Variants in PARD3 observed in about 807,000 individuals in gnomAD.
PARD3 encodes par-3 family cell polarity regulator, also known as partitioning defective 3 homolog.
A neutral mutation model predicts 155.4 loss-of-function variants in PARD3; 75 were observed. That is an observed-to-expected ratio of 0.48 (90% CI 0.40 to 0.58). The LOEUF (loss-of-function observed/expected upper bound fraction) is 0.58. Among genes scored for constraint, PARD3 ranks in the 20% least tolerant of loss-of-function variants. The pLI is 0.00. For missense variants in PARD3, 1,642 were observed against 1,721.7 expected, an observed-to-expected ratio of 0.95 and a Z score of 0.82; for synonymous variants, 576 against 610.5, an observed-to-expected ratio of 0.94 and a Z score of 0.83.
intron 23 of PARD3, among the ~76,000 whole-genome samples, chr10:34,124,239 G>A (rs1414662629): frequency 2.6e-5 from 4 of 152,190 alleles, no homozygotes; most frequent in Non-Finnish European, 5.9e-5. Context: ...CACTTTGGAT[G>A]AAAACCTGTG....
At chr10:34,557,864 G>T (rs1162609950) in intron 2 of PARD3, among the ~76,000 whole-genome samples, 2 of 150,962 alleles carry the variant, frequency 1.3e-5, no homozygotes, top group Non-Finnish European at 2.9e-5. Flanking sequence ...AGTCCAGGAG[G>T]TTGAGACTTC....
At chr10:34,254,295 C>T (rs533407830) in intron 22 of PARD3, among the ~76,000 whole-genome samples, 6 of 152,034 alleles carry the variant, frequency 3.9e-5, no homozygotes, top group African/African-American at 1.2e-4. Flanking sequence ...AGAAGAATGG[C>T]GTGAACCCAG....
intron 22 of PARD3, among the ~76,000 whole-genome samples, chr10:34,155,387 A>G (rs1392169976): frequency 6.6e-6 from 1 of 152,244 alleles, no homozygotes; most frequent in Non-Finnish European, 1.5e-5. Flanking sequence ...GAATAACAAT[A>G]GAGGAGACTA....
intron 22 of PARD3, among the ~76,000 whole-genome samples, chr10:34,204,209 A>G (rs1172336090): frequency 6.6e-6 from 1 of 152,210 alleles, no homozygotes; most frequent in African/African-American, 2.4e-5. Context: ...TGGAACCTCT[A>G]TTAACCTCAA....
intron 2 of PARD3, among the ~76,000 whole-genome samples, chr10:34,551,371 G>T (rs1005668175): frequency 3.9e-5 from 6 of 152,146 alleles, no homozygotes; most frequent in Middle Eastern, 3.4e-3. Flanking sequence ...ACAACTTAAA[G>T]TCATATACAA....
chr10:34,768,371 G>A (rs111998993), intron 1 of PARD3, among the ~76,000 whole-genome samples: 4 of 132,704 alleles, frequency 3.0e-5, no homozygotes, highest in Admixed American at 7.4e-5. Flanking sequence ...AAGCAAAGGC[G>A]GGACAACTCG....
At chr10:34,245,715 A>G (rs558729077) in intron 22 of PARD3, among the ~76,000 whole-genome samples, 50 of 152,354 alleles carry the variant, frequency 3.3e-4, no homozygotes, top group Admixed American at 2.7e-3. Context: ...AGAAGCAAGA[A>G]GAGCACAGGA....
At chr10:34,369,822 T>G (rs1840400144) in intron 12 of PARD3, among the ~76,000 whole-genome samples, 1 of 152,154 alleles carries the variant, frequency 6.6e-6, no homozygotes, top group Non-Finnish European at 1.5e-5. Context: ...CCTCCCCATT[T>G]CTAGGCATTG....
chr10:34,276,202 A>G (rs1048895761), intron 21 of PARD3, among the ~76,000 whole-genome samples: 2 of 151,956 alleles, frequency 1.3e-5, no homozygotes, highest in African/African-American at 2.4e-5. Flanking sequence ...AGAACTTATC[A>G]TTTCAACTTG....
intron 12 of PARD3, among the ~76,000 whole-genome samples, chr10:34,367,714 C>A (rs540255535): frequency 3.8e-4 from 58 of 152,016 alleles, no homozygotes; most frequent in African/African-American, 1.3e-3. Context: ...CACACACATA[C>A]ACACACACAA....
chr10:34,157,499 T>A (rs767185223), intron 22 of PARD3, among the ~76,000 whole-genome samples: 20 of 152,184 alleles, frequency 1.3e-4, no homozygotes, highest in Non-Finnish European at 2.2e-4. Flanking sequence ...TTTTTCTCCA[T>A]TTTTTCTTCT....
chr10:34,657,140 C>T (rs1427964991), intron 2 of PARD3, among the ~76,000 whole-genome samples: 2 of 152,044 alleles, frequency 1.3e-5, no homozygotes, highest in African/African-American at 4.8e-5. Flanking sequence ...GGCACGATGG[C>T]TCATGTCCGT....
At chr10:34,560,731 GAA>G (rs2134054597) in intron 2 of PARD3, among the ~76,000 whole-genome samples, 1 of 152,308 alleles carries the variant, frequency 6.6e-6, no homozygotes, top group Non-Finnish European at 1.5e-5. Context: ...CGGAACAGCA[GAA>G]ACCATGGCGT....
At chr10:34,440,543 T>C (rs1157477713) in intron 5 of PARD3, among the ~76,000 whole-genome samples, 2 of 152,154 alleles carry the variant, frequency 1.3e-5, no homozygotes, top group Admixed American at 6.5e-5. Context: ...TGTCTAGTTC[T>C]AGCAGTAGTA....
At chr10:34,728,775 G>C (rs1019547794) in intron 1 of PARD3, among the ~76,000 whole-genome samples, 1 of 152,254 alleles carries the variant, frequency 6.6e-6, no homozygotes, top group East Asian at 1.9e-4. Context: ...AGGTACATTA[G>C]TTTTTTAAAT....
chr10:34,794,010 A>G (rs1436877950), intron 1 of PARD3, among the ~76,000 whole-genome samples: 1 of 152,206 alleles, frequency 6.6e-6, no homozygotes. Flanking sequence ...GATAAGCTCT[A>G]AACAGCAAAG....
chr10:34,697,868 C>A (rs1590704934), intron 1 of PARD3, among the ~76,000 whole-genome samples: 1 of 151,666 alleles, frequency 6.6e-6, no homozygotes, highest in South Asian at 2.1e-4. Context: ...TCCAGGAGTC[C>A]CTGGGACACC....
At chr10:34,128,237 T>C (rs1478475075) in intron 23 of PARD3, among the ~76,000 whole-genome samples, 1 of 152,184 alleles carries the variant, frequency 6.6e-6, no homozygotes, top group Non-Finnish European at 1.5e-5. Flanking sequence ...GAGGGTCCAC[T>C]GATACACAGA....
intron 20 of PARD3, among the ~76,000 whole-genome samples, chr10:34,299,435 A>T (rs1957050812): frequency 6.6e-6 from 1 of 152,236 alleles, no homozygotes; most frequent in Non-Finnish European, 1.5e-5. Flanking sequence ...CTTTCTCTCT[A>T]ATCAGACGGC....
Sources: allele counts gnomAD v4.1 joint callset (sites outside exome capture counted in the v4.1 genomes callset), GRCh38; gene constraint gnomAD v4.1.1; transcripts MANE v1.5; gene names NCBI Gene and HGNC (gene_info 2026-07-23, HGNC 2026-07-21).